Variants in FGF12 observed in about 807,000 individuals in gnomAD.
FGF12 encodes the protein fibroblast growth factor 12B.
FGF12 carries 14 observed loss-of-function variants against 23.6 expected under a neutral mutation model. That is an observed-to-expected ratio of 0.59 (90% confidence interval 0.39 to 0.93). The LOEUF (loss-of-function observed/expected upper bound fraction) is 0.93, where lower values mean the gene tolerates loss of function less well. FGF12 is among the 40% of genes least tolerant of loss of function. The pLI is 0.00. For synonymous variants in FGF12, 62 were observed against 77.3 expected, an observed-to-expected ratio of 0.80 and a Z score of 1.04; for missense variants, 175 against 217.8, an observed-to-expected ratio of 0.80 and a Z score of 1.24.
chr3:192,538,994 T>A (rs1471338836), intron 2 of FGF12, among the ~76,000 whole-genome samples: 1 of 152,250 alleles, frequency 6.6e-6, no homozygotes, highest in Non-Finnish European at 1.5e-5. Context: ...TAATTTTGTA[T>A]CCTGCAACTT....
intron 2 of FGF12, among the ~76,000 whole-genome samples, chr3:192,612,714 A>G (rs1450930378): frequency 6.6e-6 from 1 of 151,960 alleles, no homozygotes; most frequent in East Asian, 1.9e-4. Context: ...TATTCTGCTT[A>G]TTTCATACCA....
intron 2 of FGF12, among the ~76,000 whole-genome samples, chr3:192,693,434 C>G (rs1204026808): frequency 6.6e-6 from 1 of 151,962 alleles, no homozygotes; most frequent in East Asian, 1.9e-4. Context: ...TTTTATGGAA[C>G]AACAAAAGTC....
At chr3:192,166,915 A>G (rs79609564) in intron 5 of FGF12, among the ~76,000 whole-genome samples, 10,477 of 152,150 alleles carry the variant, frequency 0.069, 428 homozygotes, top group African/African-American at 0.11. Flanking sequence ...GAAGTGAATC[A>G]AAGTATTAGT....
chr3:192,561,135 A>G lies in FGF12; in HGVS notation c.13+166046T>C, dbSNP rs548903988. Among the ~76,000 whole-genome samples, 14 of 152,130 alleles carry G rather than the reference A, an allele frequency of 9.2e-5. No individual in the cohort carries two copies. The East Asian group carries it at 2.7e-3, about 29-fold the overall frequency. ...AAAGGGGAAGCGGGGAGTAACCAACATATATATATGCCATATATACACACA... is the reference window on the plus strand; with the variant it reads ...AAAGGGGAAGCGGGGAGTAACCAACGTATATATATGCCATATATACACACA... On this transcript the variant is annotated intron_variant, in intron 2 of 5. Coordinates refer to ENST00000445105, the MANE Select transcript of FGF12 (RefSeq NM_004113.6).
chr3:192,570,201 A>G (rs1712528756), intron 2 of FGF12, among the ~76,000 whole-genome samples: 1 of 152,190 alleles, frequency 6.6e-6, no homozygotes, highest in Non-Finnish European at 1.5e-5. Context: ...GCATCAGGCT[A>G]GCTGTGTTTG....
rs1231565466 is a variant in FGF12 at position 192,335,374 on chromosome 3, T to A, written c.215A>T (p.Tyr72Phe). Reference protein sequence around the residue: ...SLYVAMNGEGYLYSSDVFTPE... With the variant: ...SLYVAMNGEGFLYSSDVFTPE... ...CAATGTACTTACTGAACTGTAGAGA[T>A]AGCCTTCACCATTCATGGCCACATA... The change falls in exon 4 of 6, where the codon TAT (tyrosine) becomes TTT (phenylalanine). Residue 72 changes from tyrosine (Y) to phenylalanine (F), a missense_variant. Physicochemically the swap from Tyr to Phe is conservative, Grantham distance 22. Coordinates refer to ENST00000445105, the MANE Select transcript of FGF12 (RefSeq NM_004113.6). The A allele has an allele frequency of 6.2e-7, 1 of 1,610,504 alleles. No homozygotes were observed. Among genetic ancestry groups the A allele is most frequent in the South Asian group, 1.1e-5 (1 of 91,010 alleles).
At chr3:192,352,044 CT>C (rs67660525) in intron 3 of FGF12, among the ~76,000 whole-genome samples, 34,228 of 149,710 alleles carry the variant, frequency 0.23, 4,118 homozygotes, top group Admixed American at 0.34. Context: ...ATATTTTTTT[CT>C]TTTTTTTTTG....
intron 4 of FGF12, among the ~76,000 whole-genome samples, chr3:192,210,585 AG>A (rs1717877676): frequency 6.6e-6 from 1 of 152,252 alleles, no homozygotes; most frequent in Admixed American, 6.5e-5. Flanking sequence ...ACAGTAACCT[AG>A]GATTTTATGA....
intron 4 of FGF12, among the ~76,000 whole-genome samples, chr3:192,215,699 G>A (rs915223467): frequency 6.6e-5 from 10 of 152,160 alleles, no homozygotes; most frequent in African/African-American, 2.4e-4. Flanking sequence ...GTACAGATTA[G>A]ACTGCTCTCT....
chr3:192,699,680 T>C (rs1160362457), intron 2 of FGF12, among the ~76,000 whole-genome samples: 2 of 152,228 alleles, frequency 1.3e-5, no homozygotes, highest in South Asian at 2.1e-4. Context: ...TATCCTGAGC[T>C]TGACCTCCCA....
chr3:192,165,735 T>TA (rs918999286), intron 5 of FGF12, among the ~76,000 whole-genome samples: 4 of 152,300 alleles, frequency 2.6e-5, no homozygotes, highest in African/African-American at 9.6e-5. Flanking sequence ...CATCATAGTA[T>TA]AAGGTTTCTG....
At chr3:192,603,269 C>T (rs34801204) in intron 2 of FGF12, among the ~76,000 whole-genome samples, 30 of 152,196 alleles carry the variant, frequency 2.0e-4, no homozygotes, top group Non-Finnish European at 3.5e-4. Context: ...CAGTATCATT[C>T]TATGCCTAGA....
chr3:192,541,619 G>A (rs1725365716), intron 2 of FGF12, among the ~76,000 whole-genome samples: 1 of 152,040 alleles, frequency 6.6e-6, no homozygotes, highest in South Asian at 2.1e-4. Context: ...TATTACCAGT[G>A]AGTTTTGCAC....
At chr3:192,242,754 C>G (rs1577271342) in intron 4 of FGF12, among the ~76,000 whole-genome samples, 1 of 152,008 alleles carries the variant, frequency 6.6e-6, no homozygotes, top group East Asian at 1.9e-4. Flanking sequence ...CTATTTGACC[C>G]TTCCAGATAC....
intron 2 of FGF12, among the ~76,000 whole-genome samples, chr3:192,363,674 C>T (rs751992294): frequency 4.6e-5 from 7 of 152,246 alleles, no homozygotes; most frequent in Admixed American, 3.9e-4. Flanking sequence ...GTCCTACCAA[C>T]CTTTCCAGGT....
chr3:192,261,030 A>G (rs1403272574), intron 4 of FGF12, among the ~76,000 whole-genome samples: 1 of 152,126 alleles, frequency 6.6e-6, no homozygotes, highest in Admixed American at 6.6e-5. Context: ...AAACTGGGGT[A>G]CAGGGGTAAA....
chr3:192,534,580 T>C (rs1725181180), intron 2 of FGF12, among the ~76,000 whole-genome samples: 1 of 152,054 alleles, frequency 6.6e-6, no homozygotes, highest in African/African-American at 2.4e-5. Context: ...TTAGAAAAGA[T>C]GGGGTTTTGT....
chr3:192,429,866 G>A, intron 2 of FGF12, among the ~76,000 whole-genome samples: 1 of 152,054 alleles, frequency 6.6e-6, no homozygotes, highest in East Asian at 1.9e-4. Flanking sequence ...AGGCCCTTAA[G>A]ATATTTTTTT....
intron 4 of FGF12, among the ~76,000 whole-genome samples, chr3:192,241,981 G>A (rs1022743207): frequency 2.6e-5 from 4 of 152,088 alleles, no homozygotes; most frequent in Non-Finnish European, 4.4e-5. Flanking sequence ...ATAAAAATAC[G>A]TTGCATCAGT....
Sources: allele counts gnomAD v4.1 joint callset (sites outside exome capture counted in the v4.1 genomes callset), GRCh38; gene constraint gnomAD v4.1.1; transcripts MANE v1.5; gene names NCBI Gene and HGNC (gene_info 2026-07-23, HGNC 2026-07-21).